The following C9orf43 variants were observed in gnomAD, a reference collection of about 807,000 sequenced individuals.
C9orf43 encodes the protein chromosome 9 open reading frame 43, also known as uncharacterized protein C9orf43.
A neutral mutation model predicts 59.1 loss-of-function variants in C9orf43; 45 were observed. The ratio of observed to expected loss-of-function variants is 0.76; its 90% CI spans 0.60 to 0.98. The LOEUF (loss-of-function observed/expected upper bound fraction) is 0.98. Among genes scored for constraint, C9orf43 ranks in the 50% least tolerant of loss-of-function variants. The probability of loss-of-function intolerance (pLI) is 0.00; values close to 1 mark genes in which losing one functional copy is unlikely to be tolerated. For missense variants in C9orf43, 533 were observed against 554.9 expected (o/e 0.96, Z 0.40); for synonymous variants, 203 against 196.8 (o/e 1.03, Z -0.26).
At chr9:113,417,926 C>A (rs1828428617) in intron 3 of C9orf43, among the ~76,000 whole-genome samples, 1 of 152,066 alleles carries the variant, frequency 6.6e-6, no homozygotes, top group African/African-American at 2.4e-5. Flanking sequence ...TTTTAAATTC[C>A]ACTATCATTC....
chr9:113,412,353 G>C (rs1828201647), intron 1 of C9orf43, among the ~76,000 whole-genome samples: 1 of 152,180 alleles, frequency 6.6e-6, no homozygotes, highest in African/African-American at 2.4e-5. Flanking sequence ...ACAAGTAATA[G>C]GCCAGGTGCA....
chr9:113,413,786 A>C lies in C9orf43; in HGVS notation c.179A>C (p.Asp60Ala). The change falls in exon 3 of 14, where the codon GAC (aspartate) becomes GCC (alanine). Residue 60 changes from aspartate (D) to alanine (A), a missense_variant. Physicochemically the swap from Asp to Ala is moderately radical, Grantham distance 126 (BLOSUM62 -2). Transcript: ENST00000374165. ...AAACTCCCAGTGCTCACCGTGGTAG[A>C]CATCTTAGATTCCGGCTTTGCAGCT... ...EDKLPVLTVV[D>A]ILDSGFAAHH... 2 of 1,614,172 alleles carry C rather than the reference A, an allele frequency of 1.2e-6. No homozygotes were observed. The highest frequency in any genetic ancestry group is 1.7e-6 in the Non-Finnish European group (2 of 1,180,018).
intron 1 of C9orf43, among the ~76,000 whole-genome samples, 200 bp from the exon 2 acceptor site, chr9:113,413,245 C>T: frequency 6.6e-6 from 1 of 152,204 alleles, no homozygotes; most frequent in East Asian, 1.9e-4. Context: ...GACCTGAAGT[C>T]CTGCTCTCAA....
rs1188991771 is a variant in C9orf43, at chr9:113,428,144, T to A, written c.1031-3T>A. On this transcript the variant is annotated splice_polypyrimidine_tract_variant and splice_region_variant and intron_variant, in intron 11 of 13. Coordinates refer to ENST00000374165, the MANE Select transcript of C9orf43 (RefSeq NM_001278629.2). ...AAGATTGAATGGACTCTTTGGTTAC[T>A]AGGTTACAGAACTCTGCCAGGTCAG... The A allele has an allele frequency of 1.2e-6, 2 of 1,614,130 alleles. No individual in the cohort carries two copies. The highest frequency in any genetic ancestry group is 3.3e-5 in the Admixed American group (2 of 60,020).
rs1554747120 is a variant in C9orf43 at position 113,423,507 on chromosome 9, C to T, written c.656+9C>T. The T allele has an allele frequency of 6.2e-7, 1 of 1,606,984 alleles. No homozygotes were observed. The highest frequency in any genetic ancestry group is 8.5e-7 in the Non-Finnish European group (1 of 1,174,010). On this transcript the variant is annotated intron_variant, in intron 7 of 13. Transcript: ENST00000374165. ...CAGGATCTACTGAAGGAGTAAGTATCATGTAGGTCTGTGGGAGAGCCAGAG... is the reference window on the plus strand; with the variant it reads ...CAGGATCTACTGAAGGAGTAAGTATTATGTAGGTCTGTGGGAGAGCCAGAG...
chr9:113,429,234 C>G lies in C9orf43; in HGVS notation c.1234C>G (p.Pro412Ala). The stretch of plus-strand genomic sequence containing the variant: ...CATTAGTGCTCCAGTGGACGCTGTG[C>G]CAGAAGCCCAGGCTGCCAGGCAAAA... ...KDISAPVDAV[P>A]EAQAARQKKI... Residue 412 changes from proline (P) to alanine (A), a missense_variant, in exon 14 of 14, where the codon CCA becomes GCA. Physicochemically the swap from Pro to Ala is conservative, Grantham distance 27. Coordinates refer to ENST00000374165, the MANE Select transcript of C9orf43 (RefSeq NM_001278629.2). 6.2e-7 allele frequency: 1 copy of G among 1,614,218 alleles called. No homozygotes were observed. The highest frequency in any genetic ancestry group is 8.5e-7 in the Non-Finnish European group (1 of 1,180,038).
intron 5 of C9orf43, 27 bp from the exon 6 acceptor site, chr9:113,422,522 G>A: frequency 1.9e-6 from 3 of 1,612,450 alleles, no homozygotes; most frequent in Non-Finnish European, 1.7e-6. Context: ...AGCATGTTTT[G>A]TTTTGTTTTG....
intron 2 of C9orf43, 47 bp downstream of exon 2, chr9:113,413,691 A>G (rs1257941503): frequency 1.9e-6 from 3 of 1,611,842 alleles, no homozygotes; most frequent in Admixed American, 1.7e-5. Flanking sequence ...TCCTTAACGT[A>G]TTTATGTATG....
Position 113,429,349 on chromosome 9 carries a change from A to G in C9orf43, c.1349A>G (p.Asp450Gly), listed in dbSNP as rs140407932. 31 of 1,614,064 alleles carry G rather than the reference A, an allele frequency of 1.9e-5. No individual in the cohort carries two copies. The highest frequency in any genetic ancestry group is 3.4e-6 in the Non-Finnish European group (4 of 1,180,048). The part of the protein sequence containing the change: ...KLLRILQDTD[D>G]EDEEDQSSGA... Reference sequence around the variant, plus strand: ...CTTAGGATTCTTCAGGACACTGATGATGAGGATGAGGAGGACCAGTCCTCT... The same window carrying G: ...CTTAGGATTCTTCAGGACACTGATGGTGAGGATGAGGAGGACCAGTCCTCT... The change falls in exon 14 of 14, where the codon GAT becomes GGT. Residue 450 changes from aspartate to glycine, a missense_variant. Asp to Gly is a moderately conservative substitution (Grantham distance 94). Coordinates refer to ENST00000374165, the MANE Select transcript of C9orf43 (RefSeq NM_001278629.2).
Position 113,429,430 on chromosome 9 carries a change from C to A in C9orf43, c.*44C>A. The A allele has an allele frequency of 6.4e-7, 1 of 1,572,516 alleles. No homozygotes were observed. The highest frequency in any genetic ancestry group is 8.7e-7 in the Non-Finnish European group (1 of 1,146,706). Reference sequence around the variant, plus strand: ...GACTGAAGGCATCCCCTGGGGCAGCCGTGTTCCAAAGCGGGATGGCTGGTA... The same window carrying A: ...GACTGAAGGCATCCCCTGGGGCAGCAGTGTTCCAAAGCGGGATGGCTGGTA... On this transcript the variant is annotated 3_prime_UTR_variant, in exon 14 of 14. Coordinates refer to ENST00000374165, the MANE Select transcript of C9orf43 (RefSeq NM_001278629.2).
chr9:113,422,580 G>A lies in C9orf43; in HGVS notation c.478G>A (p.Ala160Thr), dbSNP rs533864262. The A allele has an allele frequency of 1.9e-6, 3 of 1,613,890 alleles. No individual in the cohort carries two copies. The highest frequency in any genetic ancestry group is 2.7e-5 in the African/African-American group (2 of 75,026). The change falls in exon 6 of 14, where the codon GCA (alanine) becomes ACA (threonine). Residue 160 changes from alanine (A) to threonine (T), a missense_variant. Ala to Thr is a moderately conservative substitution (Grantham distance 58). Transcript: ENST00000374165. ...QHGKKKRKNSAVKSKSFLGLS... is the reference protein window; with the variant it reads ...QHGKKKRKNSTVKSKSFLGLS... ...TGGGAAGAAGAAAAGAAAGAACTCGGCAGTGGTGAGTTTGATGTTTTTGTG... is the reference window on the plus strand; with the variant it reads ...TGGGAAGAAGAAAAGAAAGAACTCGACAGTGGTGAGTTTGATGTTTTTGTG...
At chr9:113,424,376 C>T in intron 8 of C9orf43, 60 bp downstream of exon 8, 1 of 1,520,458 alleles carries the variant, frequency 6.6e-7, no homozygotes, top group Non-Finnish European at 8.9e-7. Context: ...CATCTCTCCT[C>T]AAATCTGGAA....
chr9:113,411,173 A>G, intron 1 of C9orf43, 172 bp downstream of exon 1: 1 of 892,576 alleles, frequency 1.1e-6, no homozygotes, highest in Non-Finnish European at 1.3e-6. Context: ...TTTTCACTGT[A>G]TGAAGAATGC....
Position 113,421,212 on chromosome 9 carries a change from C to T in C9orf43, c.446+9C>T. On this transcript the variant is annotated intron_variant, in intron 5 of 13. Transcript: ENST00000374165. ...ACAGAGATACATGTGAGGTGAGTAT[C>T]ATATCTGGAACTCAGAGGACTTTGA... 1 of 1,581,278 alleles carries T rather than the reference C, an allele frequency of 6.3e-7. No individual in the cohort carries two copies. The highest frequency in any genetic ancestry group is 8.7e-7 in the Non-Finnish European group (1 of 1,150,482).
rs538856067 is a variant in C9orf43, at chr9:113,424,649, C to T, written c.807+333C>T. ...TGAAGTCATCCTCCTACCTCAGCCT[C>T]CAGAGTAGCTGGGACTACAGGTGTG... On this transcript the variant is annotated intron_variant, in intron 8 of 13. Transcript: ENST00000374165. Among the ~76,000 whole-genome samples the T allele has an allele frequency of 2.8e-4, 42 of 151,982 alleles. No homozygotes were observed. In the South Asian group the frequency reaches 3.5e-3, roughly 13 times the overall value.
chr9:113,419,195 C>G, intron 4 of C9orf43, 30 bp downstream of exon 4: 1 of 1,540,156 alleles, frequency 6.5e-7, no homozygotes, highest in Non-Finnish European at 8.9e-7. Context: ...AGTACTTCTT[C>G]AACATTTTTT....
intron 7 of C9orf43, 63 bp from the exon 8 acceptor site, chr9:113,424,103 C>T: frequency 1.3e-6 from 2 of 1,521,530 alleles, no homozygotes; most frequent in South Asian, 1.3e-5. Flanking sequence ...ATCTCTTTCT[C>T]CTCAGCCATG....
Position 113,415,171 on chromosome 9 carries a change from TCTTA to T in C9orf43, c.287+1281_287+1284del, listed in dbSNP as rs1009387498. ...CCTTTTTTTTTGGTGGGGGATAGGG[TCTTA>T]CTTTGTTGCCTAGCCTGGAGTACAG... On this transcript the variant is annotated intron_variant, in intron 3 of 13. Coordinates refer to ENST00000374165, the MANE Select transcript of C9orf43 (RefSeq NM_001278629.2). 5.9e-4 allele frequency among the ~76,000 whole-genome samples: 88 copies of T among 150,362 alleles called. 1 individual carries two copies. The highest frequency in any genetic ancestry group is 2.1e-3 in the African/African-American group (85 of 40,876).
intron 3 of C9orf43, among the ~76,000 whole-genome samples, chr9:113,415,301 T>C (rs1347075712): frequency 1.3e-5 from 2 of 151,938 alleles, no homozygotes; most frequent in African/African-American, 2.4e-5. Flanking sequence ...GCGCCACCAC[T>C]CCCGGCTAAT....
Sources: allele counts gnomAD v4.1 joint callset (sites outside exome capture counted in the v4.1 genomes callset), GRCh38; gene constraint gnomAD v4.1.1; transcripts MANE v1.5; gene names NCBI Gene and HGNC (gene_info 2026-07-23, HGNC 2026-07-21).